TMEM26: variants seen among roughly 807,000 people sequenced by gnomAD.
TMEM26 encodes transmembrane protein 26.
Under a neutral mutation model 28.8 loss-of-function variants are expected in TMEM26, and 38 were observed. That is an observed-to-expected ratio of 1.32 (90% CI 1.02 to 1.73). The LOEUF is 1.73. TMEM26 is among the 40% of genes most tolerant of loss of function. TMEM26 has a pLI of 0.00. For synonymous variants in TMEM26, 227 were observed against 182.9 expected (o/e 1.24, Z -1.95); for missense variants, 518 against 447.1 (o/e 1.16, Z -1.43).
chr10:61,435,078 A>C (rs1294615494), intron 2 of TMEM26, among the ~76,000 whole-genome samples: 1 of 152,202 alleles, frequency 6.6e-6, no homozygotes, highest in East Asian at 1.9e-4. Context: ...CAGGAACATC[A>C]ACAGCAGTAT....
At chr10:61,428,064 T>TG (rs1839860390) in intron 4 of TMEM26, among the ~76,000 whole-genome samples, 1 of 152,100 alleles carries the variant, frequency 6.6e-6, no homozygotes. Flanking sequence ...GTGCTATAAT[T>TG]GGGATATTAA....
intron 1 of TMEM26, among the ~76,000 whole-genome samples, chr10:61,445,135 C>T (rs1265083950): frequency 6.6e-6 from 1 of 152,216 alleles, no homozygotes. Context: ...AGAAAGCAGG[C>T]TGTAGCATTG....
intron 1 of TMEM26, among the ~76,000 whole-genome samples, chr10:61,437,874 T>C (rs1016417658): frequency 6.6e-6 from 1 of 152,228 alleles, no homozygotes; most frequent in Non-Finnish European, 1.5e-5. Context: ...ATTATGTCAC[T>C]ATAATTTTAT....
rs370985055 is a variant in TMEM26 at position 61,431,211 on chromosome 10, G to A, written c.384+8C>T. 6.2e-7 allele frequency: 1 copy of A among 1,606,068 alleles called. No homozygotes were observed. The highest frequency in any genetic ancestry group is 8.5e-7 in the Non-Finnish European group (1 of 1,173,122). ...AGATCCTTTAATAAACAGTGGAAAA[G>A]CTCTCACCGTCTCAATGAGATCATC... is the stretch of plus-strand genomic sequence containing the variant. On this transcript the variant is annotated splice_region_variant and intron_variant, in intron 3 of 5. Coordinates refer to ENST00000399298, the MANE Select transcript of TMEM26 (RefSeq NM_178505.8).
intron 4 of TMEM26, among the ~76,000 whole-genome samples, chr10:61,422,801 T>C (rs1367703536): frequency 6.6e-6 from 1 of 151,622 alleles, no homozygotes; most frequent in Non-Finnish European, 1.5e-5. Context: ...AAAGCAAGCA[T>C]AAAGGAAAAA....
chr10:61,422,515 C>G (rs557819990), intron 4 of TMEM26, among the ~76,000 whole-genome samples: 2 of 152,036 alleles, frequency 1.3e-5, no homozygotes, highest in East Asian at 3.9e-4. Context: ...TAAAAGATCC[C>G]TATATATTCA....
chr10:61,448,727 A>G (rs1840227162), intron 1 of TMEM26, among the ~76,000 whole-genome samples: 2 of 152,096 alleles, frequency 1.3e-5, no homozygotes, highest in African/African-American at 2.4e-5. Flanking sequence ...AATAAAGTAA[A>G]AGGAAATGAG....
chr10:61,449,817 T>C (rs1840247103), intron 1 of TMEM26, among the ~76,000 whole-genome samples: 1 of 152,122 alleles, frequency 6.6e-6, no homozygotes, highest in South Asian at 2.1e-4. Context: ...TCCTCCTCCT[T>C]TGCTCCTCAT....
In TMEM26 at chr10:61,416,165, C is replaced by T. The variant is rs923204085; in HGVS notation, c.606-2630G>A. 7 of 428,132 alleles carry T rather than the reference C, an allele frequency of 1.6e-5. No homozygotes were observed. In the Admixed American group the frequency reaches 2.0e-4, roughly 12 times the overall value. The allele number at this position is 428,132 out of a possible 1,614,324, so 26.5% of individuals were successfully genotyped here. A position where few individuals can be genotyped will look rare whatever the true frequency, so the allele number is the denominator to read the frequency against. On this transcript the variant is annotated intron_variant, in intron 4 of 5. Coordinates refer to ENST00000399298, the MANE Select transcript of TMEM26 (RefSeq NM_178505.8). ...TGAGGATATTTTCACAAGGTTTTTTCAATAGATGCAAAAGAAATTTTTCAC... is the reference window on the plus strand; with the variant it reads ...TGAGGATATTTTCACAAGGTTTTTTTAATAGATGCAAAAGAAATTTTTCAC...
chr10:61,433,869 C>T (rs978080109), intron 2 of TMEM26, among the ~76,000 whole-genome samples: 1 of 152,096 alleles, frequency 6.6e-6, no homozygotes, highest in Admixed American at 6.6e-5. Context: ...TTCTAAGCCC[C>T]AGCATTACTG....
chr10:61,444,397 C>G (rs998012360), intron 1 of TMEM26, among the ~76,000 whole-genome samples: 1 of 152,116 alleles, frequency 6.6e-6, no homozygotes, highest in Non-Finnish European at 1.5e-5. Flanking sequence ...TTATTTCATT[C>G]TAAATAAAGA....
chr10:61,409,456 G>A lies in TMEM26; in HGVS notation c.*866C>T, dbSNP rs1266288547. The A allele has an allele frequency of 6.6e-6, 1 of 152,196 alleles. No individual in the cohort carries two copies. Among genetic ancestry groups the A allele is most frequent in the African/African-American group, 2.4e-5 (1 of 41,416 alleles). The allele number at this position is 152,196 out of a possible 1,614,324, so 9.4% of individuals were successfully genotyped here. A position where few individuals can be genotyped will look rare whatever the true frequency, so the allele number is the denominator to read the frequency against. ...AACCATGGAAACACTTACAGGGCCC[G>A]AAACACCTTTATTCACTGCTTCAGA... On this transcript the variant is annotated 3_prime_UTR_variant, in exon 6 of 6. Coordinates refer to ENST00000399298, the MANE Select transcript of TMEM26 (RefSeq NM_178505.8).
intron 3 of TMEM26, 128 bp downstream of exon 3, chr10:61,431,091 C>T: frequency 3.3e-5 from 23 of 686,608 alleles, no homozygotes; most frequent in South Asian, 1.4e-4. Context: ...TTGTGAATTC[C>T]TAAGCCAAAC....
intron 1 of TMEM26, among the ~76,000 whole-genome samples, chr10:61,446,871 T>TA (rs1840192381): frequency 1.4e-5 from 1 of 73,782 alleles, no homozygotes; most frequent in Non-Finnish European, 2.4e-5. Flanking sequence ...GCTTTATTGC[T>TA]AAAAAGATGC....
rs116514967 is a variant in TMEM26 at position 61,420,915 on chromosome 10, T to C, written c.606-7380A>G. Among the ~76,000 whole-genome samples, 371 of 152,184 alleles carry C rather than the reference T, an allele frequency of 2.4e-3. 1 individual carries two copies. The highest frequency in any genetic ancestry group is 8.6e-3 in the African/African-American group (358 of 41,558). ...ATAAATATACAGTCATATAGATATT[T>C]TCTAATATCTTTTTAAAACCTTAAA... is the stretch of plus-strand genomic sequence containing the variant. On this transcript the variant is annotated intron_variant, in intron 4 of 5. Coordinates refer to ENST00000399298, the MANE Select transcript of TMEM26 (RefSeq NM_178505.8).
At chr10:61,420,372 G>C (rs1034775458) in intron 4 of TMEM26, among the ~76,000 whole-genome samples, 6 of 152,022 alleles carry the variant, frequency 3.9e-5, no homozygotes, top group Non-Finnish European at 8.8e-5. Context: ...TGGAGGAGGT[G>C]AAAGGAGAGG....
At chr10:61,449,944 T>G (rs373207723) in intron 1 of TMEM26, among the ~76,000 whole-genome samples, 1 of 152,280 alleles carries the variant, frequency 6.6e-6, no homozygotes, top group East Asian at 1.9e-4. Context: ...TAATATATCA[T>G]GGACATTCCT....
At chr10:61,425,471 C>T (rs555697027) in intron 4 of TMEM26, among the ~76,000 whole-genome samples, 3 of 151,984 alleles carry the variant, frequency 2.0e-5, no homozygotes, top group Non-Finnish European at 4.4e-5. Context: ...TTTAAAAACA[C>T]GTTTTTCAGA....
rs1839504321 is a variant in TMEM26 at position 61,406,941 on chromosome 10, T to C, written c.*3381A>G. The C allele has an allele frequency of 6.6e-6, 1 of 151,868 alleles. No homozygotes were observed. Among genetic ancestry groups the C allele is most frequent in the African/African-American group, 2.4e-5 (1 of 41,390 alleles). 9.4% of individuals were successfully genotyped at this position (151,868 alleles called of 1,614,324 possible). On this transcript the variant is annotated 3_prime_UTR_variant, in exon 6 of 6. Coordinates refer to ENST00000399298, the MANE Select transcript of TMEM26 (RefSeq NM_178505.8). ...TCTGAGAGCAAATCAGAATGTCCTC[T>C]AAGTAAAAAGCCAAGTCTGAAATTA... is the stretch of plus-strand genomic sequence containing the variant.
Sources: allele counts gnomAD v4.1 joint callset (sites outside exome capture counted in the v4.1 genomes callset), GRCh38; gene constraint gnomAD v4.1.1; transcripts MANE v1.5; gene names NCBI Gene and HGNC (gene_info 2026-07-23, HGNC 2026-07-21).